Variants in TENM3 observed in about 807,000 individuals in gnomAD.
TENM3 encodes the protein teneurin-3.
A neutral mutation model predicts 255.1 loss-of-function variants in TENM3; 63 were observed. That is an observed-to-expected ratio of 0.25 (90% CI 0.20 to 0.30). The LOEUF (loss-of-function observed/expected upper bound fraction) is 0.30, where lower values mean the gene tolerates loss of function less well. Among genes scored for constraint, TENM3 ranks in the 10% least tolerant of loss-of-function variants. The pLI is 1.00. For missense variants in TENM3, 2,929 were observed against 3,461.1 expected (o/e 0.85, Z 3.86); for synonymous variants, 1,306 against 1,322.3 (o/e 0.99, Z 0.27).
At chr4:181,685,922 A>T in the TENM3 span, among the ~76,000 whole-genome samples, 5 of 152,260 alleles carry the variant, frequency 3.3e-5, no homozygotes, top group South Asian at 1.0e-3. Flanking sequence ...TAACTTTTCA[A>T]ATATTGTTCT....
At chr4:182,100,646 T>C in the TENM3 span, among the ~76,000 whole-genome samples, 8 of 32,328 alleles carry the variant, frequency 2.5e-4, 1 homozygote, top group Admixed American at 4.1e-4. Flanking sequence ...CACATATATA[T>C]ACACATATAT....
chr4:181,938,463 G>A, the TENM3 span, among the ~76,000 whole-genome samples: 4 of 152,158 alleles, frequency 2.6e-5, no homozygotes, highest in Admixed American at 6.6e-5. Flanking sequence ...ACAAGCATAT[G>A]ATATTTACAA....
the TENM3 span, among the ~76,000 whole-genome samples, chr4:181,924,735 T>C: frequency 1.3e-5 from 2 of 152,208 alleles, no homozygotes; most frequent in Non-Finnish European, 2.9e-5. Flanking sequence ...CACCAGTTTG[T>C]ATTGGCTCTC....
chr4:181,843,017 T>C, the TENM3 span, among the ~76,000 whole-genome samples: 1 of 152,332 alleles, frequency 6.6e-6, no homozygotes, highest in Non-Finnish European at 1.5e-5. Context: ...AAACCTTCTC[T>C]TCACTTTTAG....
the TENM3 span, among the ~76,000 whole-genome samples, chr4:181,644,028 G>T: frequency 1.6e-3 from 237 of 146,688 alleles, no homozygotes; most frequent in African/African-American, 5.5e-3. Flanking sequence ...GTGAGCCACG[G>T]TCATGCCACT....
the TENM3 span, among the ~76,000 whole-genome samples, chr4:181,520,766 A>C: frequency 8.8e-3 from 1,335 of 152,294 alleles, 23 homozygotes; most frequent in African/African-American, 0.03. Flanking sequence ...AATATCAGGC[A>C]CCAAATGCAG....
chr4:182,654,433 T>C (rs1285241388), intron 6 of TENM3, among the ~76,000 whole-genome samples: 3 of 152,172 alleles, frequency 2.0e-5, no homozygotes, highest in Admixed American at 2.0e-4. Flanking sequence ...TTTAAGTAGT[T>C]AGAGAATTCC....
chr4:182,159,897 C>T (rs1750992279), intron 1 of TENM3, among the ~76,000 whole-genome samples: 1 of 152,242 alleles, frequency 6.6e-6, no homozygotes, highest in South Asian at 2.1e-4. Flanking sequence ...TTTGACATTT[C>T]GAGAGAGAGA....
At chr4:181,654,160 G>T in the TENM3 span, among the ~76,000 whole-genome samples, 1 of 148,462 alleles carries the variant, frequency 6.7e-6, no homozygotes, top group African/African-American at 2.5e-5. Flanking sequence ...CCAAATAATA[G>T]TCCTAAAATA....
intron 1 of TENM3, among the ~76,000 whole-genome samples, chr4:182,225,934 A>G (rs1756124828): frequency 6.6e-6 from 1 of 152,172 alleles, no homozygotes. Context: ...GCTCAGCAAC[A>G]GGCACCTTTT....
chr4:181,823,581 C>T, the TENM3 span, among the ~76,000 whole-genome samples: 1 of 152,104 alleles, frequency 6.6e-6, no homozygotes, highest in African/African-American at 2.4e-5. Context: ...GGCTGAACCC[C>T]TTTAAATAAT....
At chr4:182,704,138 G>A (rs1308834647) in intron 12 of TENM3, among the ~76,000 whole-genome samples, 1 of 150,776 alleles carries the variant, frequency 6.6e-6, no homozygotes, top group Non-Finnish European at 1.5e-5. Flanking sequence ...TGTGTTTTTT[G>A]CTTGTGTCAT....
chr4:181,705,589 C>CT, the TENM3 span, among the ~76,000 whole-genome samples: 2 of 152,100 alleles, frequency 1.3e-5, no homozygotes, highest in African/African-American at 4.8e-5. Flanking sequence ...GGTTATCTCT[C>CT]TTTTTTCAAC....
chr4:181,783,605 T>G, the TENM3 span, among the ~76,000 whole-genome samples: 6 of 152,216 alleles, frequency 3.9e-5, no homozygotes, highest in Non-Finnish European at 7.3e-5. Flanking sequence ...CAGAATTGCA[T>G]TTAATTTTTA....
intron 22 of TENM3, among the ~76,000 whole-genome samples, chr4:182,756,848 T>C (rs1389609807): frequency 6.6e-6 from 1 of 152,236 alleles, no homozygotes; most frequent in East Asian, 1.9e-4. Context: ...GCATTCCTTT[T>C]GCTCATTTTA....
intron 13 of TENM3, among the ~76,000 whole-genome samples, chr4:182,724,206 A>G (rs1205141426): frequency 6.6e-6 from 1 of 152,174 alleles, no homozygotes; most frequent in Non-Finnish European, 1.5e-5. Context: ...TGGCTTCTAT[A>G]CCAAGATAAA....
the TENM3 span, among the ~76,000 whole-genome samples, chr4:181,851,358 C>A: frequency 7.7e-4 from 118 of 152,268 alleles, no homozygotes; most frequent in African/African-American, 2.7e-3. Context: ...GTCGGAGTTA[C>A]CCAGCATAGA....
At chr4:181,548,605 A>G in the TENM3 span, among the ~76,000 whole-genome samples, 12 of 152,312 alleles carry the variant, frequency 7.9e-5, no homozygotes, top group East Asian at 1.7e-3. Flanking sequence ...ATTCCTCAGG[A>G]AGCTTTTTGA....
intron 3 of TENM3, among the ~76,000 whole-genome samples, chr4:182,597,166 G>A (rs934829280): frequency 3.3e-5 from 5 of 152,312 alleles, no homozygotes; most frequent in Middle Eastern, 6.8e-3. Flanking sequence ...ACTTTGGGAG[G>A]CCTCCGCGGG....
Sources: gnomAD v4.1 joint callset for allele counts (sites outside exome capture counted in the v4.1 genomes callset) on GRCh38, gnomAD v4.1.1 for gene constraint, MANE v1.5 for transcripts, NCBI Gene and HGNC (gene_info 2026-07-23, HGNC 2026-07-21) for gene names.